SOD2: variants seen among roughly 807,000 people sequenced by gnomAD.
SOD2 encodes the protein superoxide dismutase 2, also known as superoxide dismutase [Mn], mitochondrial.
Under a neutral mutation model 27.0 loss-of-function variants are expected in SOD2, and 11 were observed. That is an observed-to-expected ratio of 0.41 (90% CI 0.26 to 0.67). SOD2 has a LOEUF of 0.67. Ranked by LOEUF, SOD2 falls within the 30% of genes least tolerant of loss-of-function variation. The probability of loss-of-function intolerance (pLI) is 0.34; values close to 1 mark genes in which losing one functional copy is unlikely to be tolerated. For missense variants in SOD2, 250 were observed against 274.5 expected, an observed-to-expected ratio of 0.91 and a Z score of 0.63; for synonymous variants, 105 against 103.0, an observed-to-expected ratio of 1.02 and a Z score of -0.12.
At chr6:159,682,850 A>G (rs542974985) in intron 4 of SOD2, among the ~76,000 whole-genome samples, 24 of 152,246 alleles carry the variant, frequency 1.6e-4, no homozygotes, top group Admixed American at 3.9e-4. Context: ...AAATGTGACA[A>G]ATACTAACAA....
Position 159,681,963 on chromosome 6 carries a change from GCT to G in SOD2, c.*528_*529del, listed in dbSNP as rs1779982339. The G allele has an allele frequency of 6.6e-6, 1 of 152,526 alleles. No individual in the cohort carries two copies. Among genetic ancestry groups the G allele is most frequent in the Non-Finnish European group, 1.5e-5 (1 of 68,314 alleles). The allele number at this position is 152,526 out of a possible 1,614,324, so 9.4% of individuals were successfully genotyped here. ...ACCTGCTACATTTAAACAGTATACA[GCT>G]CTATTTGCAAAAACTATACAGGAAC... On this transcript the variant is annotated 3_prime_UTR_variant, in exon 5 of 5. Transcript: ENST00000538183.
At chr6:159,735,565 AC>A (rs1778858139) in intron 1 of SOD2, among the ~76,000 whole-genome samples, 1 of 152,172 alleles carries the variant, frequency 6.6e-6, no homozygotes, top group East Asian at 1.9e-4. Flanking sequence ...CCTGACCAAC[AC>A]GGTGAAACCC....
chr6:159,748,164 C>G (rs201600176), upstream of SOD2: 1 of 1,601,376 alleles, frequency 6.2e-7, no homozygotes, highest in East Asian at 2.3e-5. This position sits in a 1 kb window ranked among gnomAD's most constrained non-coding sequence, Gnocchi z 5.6. Flanking sequence ...TTGATTTGGT[C>G]GTAATTGTTT....
At chr6:159,732,106 C>T (rs906067682), upstream of SOD2, among the ~76,000 whole-genome samples, 25 of 152,052 alleles carry the variant, frequency 1.6e-4, no homozygotes, top group African/African-American at 5.8e-4. Flanking sequence ...ACTCAGGTTT[C>T]GCATCCCGTG....
chr6:159,703,275 T>C (rs1266152273), intron 1 of SOD2, among the ~76,000 whole-genome samples: 8 of 150,810 alleles, frequency 5.3e-5, no homozygotes, highest in East Asian at 4.0e-4. Context: ...GATTGCGCCA[T>C]TGCACTCCAG....
At chr6:159,692,928 C>A in intron 1 of SOD2, 65 bp from the exon 2 acceptor site, 1 of 1,426,934 alleles carries the variant, frequency 7.0e-7, no homozygotes, top group Non-Finnish European at 9.2e-7. Flanking sequence ...GGCTGGGCTG[C>A]CGAGGAACGG....
intron 1 of SOD2, chr6:159,726,762 T>C: frequency 1.6e-6 from 2 of 1,287,928 alleles, no homozygotes; most frequent in Non-Finnish European, 2.0e-6. Flanking sequence ...TCTCCAGAGA[T>C]GTCAAGGAGG....
In SOD2 at chr6:159,669,234, G is replaced by C. The variant is rs1377396353; in HGVS notation, c.*13259C>G. Reference sequence around the variant, plus strand: ...GGAAGTGGGTTCCAGAACTAGTCTGGTGAATGTTCCATGTGCTGATGAAAA... The same window carrying C: ...GGAAGTGGGTTCCAGAACTAGTCTGCTGAATGTTCCATGTGCTGATGAAAA... On this transcript the variant is annotated 3_prime_UTR_variant, in exon 5 of 5. Transcript: ENST00000538183. The C allele has an allele frequency of 6.6e-6, 1 of 152,218 alleles. No homozygotes were observed. Among genetic ancestry groups the C allele is most frequent in the Non-Finnish European group, 1.5e-5 (1 of 68,046 alleles). The allele number at this position is 152,218 out of a possible 1,614,324, so 9.4% of individuals were successfully genotyped here.
intron 1 of SOD2, among the ~76,000 whole-genome samples, chr6:159,744,141 T>C (rs1779422277): frequency 6.6e-6 from 1 of 152,230 alleles, no homozygotes; most frequent in Non-Finnish European, 1.5e-5. Flanking sequence ...AGGAAAGCCA[T>C]CTGAGGACTT....
At chr6:159,744,027 T>C (rs534007073) in intron 1 of SOD2, among the ~76,000 whole-genome samples, 5 of 152,314 alleles carry the variant, frequency 3.3e-5, no homozygotes, top group African/African-American at 7.2e-5. Context: ...TCATGCCTTA[T>C]AAGTATTAGT....
At chr6:159,762,178 C>T in exon 1 of SOD2, 1 of 1,595,558 alleles carries the variant, frequency 6.3e-7, no homozygotes, top group Non-Finnish European at 8.5e-7. Flanking sequence ...GAGTCCGAGG[C>T]GCCTGCTGCT....
At chr6:159,755,749 G>GTTTTTTTTTTTTTTTTTTTT (rs1402868444) in intron 1 of SOD2, 8 of 300,244 alleles carry the variant, frequency 2.7e-5, no homozygotes, top group African/African-American at 7.0e-5. Context: ...TTTTTTCTTT[G>GTTTTTTTTTTTTTTTTTTTT]TTTTTTTTTT....
intron 1 of SOD2, among the ~76,000 whole-genome samples, chr6:159,709,218 T>C (rs539973305): frequency 6.6e-6 from 1 of 152,288 alleles, no homozygotes; most frequent in African/African-American, 2.4e-5. Flanking sequence ...AAGGACTTCA[T>C]GACTAAAACA....
rs1435348153 is a variant in SOD2, at chr6:159,679,339, T to C, written c.*3154A>G. The C allele has an allele frequency of 6.6e-6, 1 of 152,216 alleles. No individual in the cohort carries two copies. The highest frequency in any genetic ancestry group is 2.4e-5 in the African/African-American group (1 of 41,456). 9.4% of individuals were successfully genotyped at this position (152,216 alleles called of 1,614,324 possible). ...AGTAATTTGTAAAACATTTACCTAA[T>C]AATAGCTTTCCCAAACAGTACTTCC... On this transcript the variant is annotated 3_prime_UTR_variant, in exon 5 of 5. Coordinates refer to ENST00000538183, the MANE Select transcript of SOD2 (RefSeq NM_000636.4).
intron 1 of SOD2, among the ~76,000 whole-genome samples, chr6:159,735,161 G>A (rs1778827878): frequency 6.6e-6 from 1 of 152,132 alleles, no homozygotes; most frequent in Admixed American, 6.5e-5. Context: ...TTGTTTGTTT[G>A]AGATGGAGTC....
At chr6:159,732,679 C>G (rs1778645974) in intron 1 of SOD2, among the ~76,000 whole-genome samples, 1 of 151,996 alleles carries the variant, frequency 6.6e-6, no homozygotes, top group Non-Finnish European at 1.5e-5. Context: ...CAAAAATTAG[C>G]CGGGCGTGGT....
intron 1 of SOD2, chr6:159,754,951 C>CT: frequency 1.4e-6 from 2 of 1,411,144 alleles, no homozygotes; most frequent in Non-Finnish European, 1.9e-6. Flanking sequence ...GACTCCCTTG[C>CT]TTTGTGGCAG....
chr6:159,759,619 G>T (rs1020960836), intron 1 of SOD2, among the ~76,000 whole-genome samples: 6 of 149,576 alleles, frequency 4.0e-5, no homozygotes, highest in African/African-American at 1.2e-4. Flanking sequence ...GTGGTGAGCC[G>T]AGATAGCGCC....
At chr6:159,762,041 G>C in exon 1 of SOD2, 3 of 1,605,856 alleles carry the variant, frequency 1.9e-6, no homozygotes, top group South Asian at 1.1e-5. Context: ...GAGGAGCTTT[G>C]CCTAGCTTGC....
Sources: allele counts gnomAD v4.1 joint callset (sites outside exome capture counted in the v4.1 genomes callset), GRCh38; gene constraint gnomAD v4.1.1; non-coding constraint Gnocchi (gnomAD v3.1); transcripts MANE v1.5; gene names NCBI Gene and HGNC (gene_info 2026-07-23, HGNC 2026-07-21).